The following DAPK2 variants were observed in gnomAD, a reference collection of about 807,000 sequenced individuals.
The protein encoded by DAPK2 is death-associated protein kinase 2.
Under a neutral mutation model 44.1 loss-of-function variants are expected in DAPK2, and 35 were observed. The ratio of observed to expected loss-of-function variants is 0.79; its 90% confidence interval spans 0.61 to 1.05. The LOEUF is 1.05. Among genes scored for constraint, DAPK2 ranks in the 50% least tolerant of loss-of-function variants. The pLI is 0.00. For synonymous variants in DAPK2, 174 were observed against 182.6 expected (o/e 0.95, Z 0.38); for missense variants, 453 against 483.2 (o/e 0.94, Z 0.59).
At chr15:64,036,309 G>GTATATATATATACATATATATATA (rs1175432400) in intron 1 of DAPK2, among the ~76,000 whole-genome samples, 2 of 60,518 alleles carry the variant, frequency 3.3e-5, no homozygotes, top group Non-Finnish European at 8.0e-5. Context: ...GTGTGTGTGT[G>GTATATATATATACATATATATATA]TATATATATG....
intron 1 of DAPK2, among the ~76,000 whole-genome samples, chr15:64,032,135 G>A (rs1377735654): frequency 2.0e-5 from 3 of 152,170 alleles, no homozygotes; most frequent in African/African-American, 7.2e-5. Flanking sequence ...ATGTACACAG[G>A]AGCCCAGCCT....
chr15:63,943,307 A>C (rs2077365598), intron 3 of DAPK2, among the ~76,000 whole-genome samples: 1 of 152,142 alleles, frequency 6.6e-6, no homozygotes, highest in Non-Finnish European at 1.5e-5. Flanking sequence ...ACACACTTGT[A>C]GTCCCAGCTA....
intron 6 of DAPK2, among the ~76,000 whole-genome samples, chr15:63,926,563 C>T (rs922156499): frequency 2.0e-5 from 3 of 152,100 alleles, no homozygotes; most frequent in African/African-American, 7.2e-5. Context: ...GCAACTTGAG[C>T]AGAGCCCACA....
At chr15:64,033,297 G>C (rs1397621280) in intron 1 of DAPK2, among the ~76,000 whole-genome samples, 1 of 135,546 alleles carries the variant, frequency 7.4e-6, no homozygotes, top group African/African-American at 2.7e-5. Context: ...GGGAAGGAAG[G>C]AAGGAAGGAA....
chr15:63,911,551 G>A, intron 10 of DAPK2: 1 of 278,986 alleles, frequency 3.6e-6, no homozygotes. Context: ...ATGGAAAAAA[G>A]AATGTAAAGC....
intron 4 of DAPK2, among the ~76,000 whole-genome samples, chr15:63,934,571 G>C (rs965259787): frequency 3.3e-5 from 5 of 150,620 alleles, no homozygotes; most frequent in Non-Finnish European, 5.9e-5. Context: ...GTTTTGTTTT[G>C]TGTTTTGAGA....
At chr15:64,004,362 G>A (rs539900114) in intron 1 of DAPK2, among the ~76,000 whole-genome samples, 5 of 152,242 alleles carry the variant, frequency 3.3e-5, no homozygotes, top group South Asian at 2.1e-4. Flanking sequence ...ATCAGGAGGC[G>A]CCTAACGTTG....
Position 63,939,386 on chromosome 15 carries a change from A to C in DAPK2, c.454-25T>G. 1.9e-6 allele frequency: 3 copies of C among 1,566,388 alleles called. No homozygotes were observed. Among genetic ancestry groups the C allele is most frequent in the Non-Finnish European group, 2.6e-6 (3 of 1,163,894 alleles). On this transcript the variant is annotated intron_variant, in intron 3 of 10. Transcript: ENST00000261891. The surrounding 1 kb of genome is among the most constrained non-coding windows in gnomAD (Gnocchi z 4.3). ...GCTGGACAACAAAAAGTAGAAAAAA[A>C]AAAAAGGAAGGAAGAAAAGAAAAAA... is the stretch of plus-strand genomic sequence containing the variant.
At chr15:63,984,011 G>A (rs1454620416) in intron 1 of DAPK2, among the ~76,000 whole-genome samples, 3 of 152,142 alleles carry the variant, frequency 2.0e-5, no homozygotes, top group African/African-American at 7.2e-5. Flanking sequence ...GAGCACTGAG[G>A]CCCAGAAAGG....
chr15:63,928,800 G>T (rs567555575), intron 6 of DAPK2, among the ~76,000 whole-genome samples: 1 of 152,260 alleles, frequency 6.6e-6, no homozygotes, highest in African/African-American at 2.4e-5. Context: ...GAAGGAGAAA[G>T]GAGGAGAGAG....
intron 8 of DAPK2, chr15:63,922,097 AT>A (rs1221222378): frequency 5.8e-6 from 1 of 171,192 alleles, no homozygotes; most frequent in African/African-American, 2.4e-5. Context: ...GATTGACTAT[AT>A]CATTTTCCCT....
chr15:64,017,318 C>T (rs765018977), intron 1 of DAPK2, among the ~76,000 whole-genome samples: 1 of 152,228 alleles, frequency 6.6e-6, no homozygotes, highest in Non-Finnish European at 1.5e-5. Context: ...TCTATCTACC[C>T]TGCTGCCTCA....
At chr15:63,926,082 G>T (rs2079252565) in exon 7 of DAPK2, 1 of 1,610,056 alleles carries the variant, frequency 6.2e-7, no homozygotes, top group East Asian at 2.2e-5. Context: ...GAAAGGGGAT[G>T]CTCCACTTAA....
intron 5 of DAPK2, chr15:63,929,871 C>G (rs955836653): frequency 1.9e-5 from 11 of 571,856 alleles, no homozygotes; most frequent in Admixed American, 1.5e-4. Context: ...GCCCTTCCCC[C>G]CTTGTAAAAT....
intron 3 of DAPK2, among the ~76,000 whole-genome samples, chr15:63,964,125 T>C (rs2077986755): frequency 1.3e-5 from 2 of 152,250 alleles, no homozygotes; most frequent in Admixed American, 6.5e-5. Flanking sequence ...GCATTTCTTG[T>C]AGGACAGGTC....
intron 1 of DAPK2, among the ~76,000 whole-genome samples, chr15:64,035,390 T>C (rs1243608839): frequency 6.6e-6 from 1 of 152,210 alleles, no homozygotes; most frequent in East Asian, 1.9e-4. Context: ...ACTTTGACCA[T>C]GCTACACTAC....
At chr15:63,963,216 T>C (rs1276148587) in intron 3 of DAPK2, among the ~76,000 whole-genome samples, 3 of 152,092 alleles carry the variant, frequency 2.0e-5, no homozygotes, top group Non-Finnish European at 4.4e-5. Context: ...AGTATTAGGG[T>C]GGGAGTGTCC....
intron 6 of DAPK2, among the ~76,000 whole-genome samples, chr15:63,927,298 T>C (rs979665205): frequency 1.3e-5 from 2 of 152,186 alleles, no homozygotes; most frequent in Non-Finnish European, 2.9e-5. Context: ...AGTTGGTCCT[T>C]ACCCCACGCT....
chr15:64,012,825 A>G (rs2079423301), intron 1 of DAPK2, among the ~76,000 whole-genome samples: 1 of 152,170 alleles, frequency 6.6e-6, no homozygotes. Flanking sequence ...TAAATGCACT[A>G]TTTGATTTTG....
Sources: allele counts gnomAD v4.1 joint callset (sites outside exome capture counted in the v4.1 genomes callset), GRCh38; gene constraint gnomAD v4.1.1; non-coding constraint Gnocchi (gnomAD v3.1); transcripts MANE v1.5; gene names NCBI Gene and HGNC (gene_info 2026-07-23, HGNC 2026-07-21).